The following DENND1A variants were observed in gnomAD, a reference collection of about 807,000 sequenced individuals.
DENND1A encodes the protein DENN domain containing 1A, also known as DENN domain-containing protein 1A.
DENND1A carries 51 observed loss-of-function variants against 113.7 expected under a neutral mutation model. That is an observed-to-expected ratio of 0.45 (90% CI 0.36 to 0.57). DENND1A has a LOEUF of 0.57. Ranked by LOEUF, DENND1A falls within the 20% of genes least tolerant of loss-of-function variation. The pLI is 0.00. For missense variants in DENND1A, 1,258 were observed against 1,395.9 expected, an observed-to-expected ratio of 0.90 and a Z score of 1.57; for synonymous variants, 565 against 570.8, an observed-to-expected ratio of 0.99 and a Z score of 0.14.
intron 8 of DENND1A, among the ~76,000 whole-genome samples, chr9:123,653,681 T>A (rs2062781977): frequency 6.6e-6 from 1 of 151,964 alleles, no homozygotes; most frequent in Non-Finnish European, 1.5e-5. Context: ...CTCTTTTTAT[T>A]CCACACAAAA....
intron 13 of DENND1A, among the ~76,000 whole-genome samples, chr9:123,540,959 T>C (rs1052106161): frequency 2.6e-5 from 4 of 152,230 alleles, no homozygotes; most frequent in African/African-American, 9.6e-5. Flanking sequence ...TCTTTCTTCT[T>C]GGCACCTACC....
intron 7 of DENND1A, among the ~76,000 whole-genome samples, chr9:123,670,978 C>G (rs2063735599): frequency 6.6e-6 from 1 of 152,148 alleles, no homozygotes; most frequent in African/African-American, 2.4e-5. Context: ...CAGGCTGGGA[C>G]AGGGACTGAA....
chr9:123,777,610 A>AG (rs1830652930), intron 3 of DENND1A, among the ~76,000 whole-genome samples: 1 of 152,242 alleles, frequency 6.6e-6, no homozygotes, highest in Non-Finnish European at 1.5e-5. Context: ...TGAAATCATC[A>AG]GTTAACAAGG....
At chr9:123,841,408 A>C (rs919819828) in intron 2 of DENND1A, among the ~76,000 whole-genome samples, 1 of 152,226 alleles carries the variant, frequency 6.6e-6, no homozygotes, top group African/African-American at 2.4e-5. Context: ...AGGCATTTCC[A>C]CATAAATTAC....
chr9:123,452,636 G>A (rs1189071139), intron 16 of DENND1A, among the ~76,000 whole-genome samples: 5 of 152,056 alleles, frequency 3.3e-5, no homozygotes, highest in Non-Finnish European at 5.9e-5. Flanking sequence ...CCTGGCTGGA[G>A]GGAACTGCAT....
intron 2 of DENND1A, among the ~76,000 whole-genome samples, chr9:123,870,003 C>CAAAAA (rs11430845): frequency 1.0e-4 from 8 of 78,574 alleles, no homozygotes; most frequent in African/African-American, 2.0e-4. Context: ...GACCCTGTCT[C>CAAAAA]AAAAAAAAAA....
intron 13 of DENND1A, among the ~76,000 whole-genome samples, chr9:123,502,043 A>G (rs2052532157): frequency 6.6e-6 from 1 of 151,832 alleles, no homozygotes; most frequent in South Asian, 2.1e-4. Flanking sequence ...CAGGCTCCAT[A>G]TCTCTATCTC....
chr9:123,731,431 C>T (rs1486440306), intron 5 of DENND1A, among the ~76,000 whole-genome samples: 6 of 152,024 alleles, frequency 3.9e-5, no homozygotes, highest in Admixed American at 2.6e-4. Flanking sequence ...TTAATTTTTG[C>T]GAAGGCACAA....
chr9:123,688,307 T>C (rs2064948374), intron 5 of DENND1A, among the ~76,000 whole-genome samples: 2 of 152,212 alleles, frequency 1.3e-5, no homozygotes, highest in Admixed American at 1.3e-4. Flanking sequence ...GTAAAGTGTA[T>C]GTTACACAGT....
chr9:123,695,972 T>C (rs536011968), intron 5 of DENND1A, among the ~76,000 whole-genome samples: 6 of 146,262 alleles, frequency 4.1e-5, no homozygotes, highest in East Asian at 2.0e-4. Flanking sequence ...TCTTCCTTTT[T>C]CTGTTAATAC....
At chr9:123,851,042 GA>G (rs996398246) in intron 2 of DENND1A, among the ~76,000 whole-genome samples, 6 of 150,296 alleles carry the variant, frequency 4.0e-5, no homozygotes, top group South Asian at 2.1e-4. Flanking sequence ...ACACAAGAAT[GA>G]AAAAAAAATA....
chr9:123,825,495 T>C (rs1358461778), intron 2 of DENND1A, among the ~76,000 whole-genome samples: 1 of 152,176 alleles, frequency 6.6e-6, no homozygotes, highest in Non-Finnish European at 1.5e-5. Flanking sequence ...GATCCTGAAA[T>C]GTCAATGGTT....
intron 13 of DENND1A, among the ~76,000 whole-genome samples, chr9:123,480,711 G>A (rs2050264247): frequency 6.6e-6 from 1 of 152,148 alleles, no homozygotes; most frequent in Admixed American, 6.5e-5. Flanking sequence ...CCCCCTTGAG[G>A]ATGTGAACTC....
chr9:123,638,001 A>G (rs2061809223), intron 9 of DENND1A, among the ~76,000 whole-genome samples: 1 of 151,984 alleles, frequency 6.6e-6, no homozygotes, highest in Admixed American at 6.6e-5. Flanking sequence ...CAAGGAGTGA[A>G]GGAAAGCGTC....
intron 13 of DENND1A, among the ~76,000 whole-genome samples, chr9:123,556,703 T>C (rs2057435502): frequency 6.6e-6 from 1 of 152,244 alleles, no homozygotes; most frequent in Admixed American, 6.5e-5. Flanking sequence ...AGCCCTGTGC[T>C]CCTGGGAGAA....
chr9:123,715,668 T>TC (rs2066924539), intron 5 of DENND1A, among the ~76,000 whole-genome samples: 1 of 152,132 alleles, frequency 6.6e-6, no homozygotes, highest in African/African-American at 2.4e-5. Flanking sequence ...GCACTGGATC[T>TC]GTTTTTTATT....
At chr9:123,508,303 G>A (rs1304703264) in intron 13 of DENND1A, among the ~76,000 whole-genome samples, 2 of 152,202 alleles carry the variant, frequency 1.3e-5, no homozygotes, top group Admixed American at 1.3e-4. Flanking sequence ...CTGTGTCTTT[G>A]CCATTTGCAT....
At chr9:123,839,977 G>T (rs539480918) in intron 2 of DENND1A, among the ~76,000 whole-genome samples, 1 of 151,920 alleles carries the variant, frequency 6.6e-6, no homozygotes, top group African/African-American at 2.4e-5. Flanking sequence ...TATTATAAAT[G>T]TTCTTTAATG....
At chr9:123,774,811 GAT>G (rs1830234966) in intron 3 of DENND1A, among the ~76,000 whole-genome samples, 1 of 151,966 alleles carries the variant, frequency 6.6e-6, no homozygotes, top group Non-Finnish European at 1.5e-5. Context: ...GTAATTCAAA[GAT>G]AAATATAATA....
Sources: allele counts gnomAD v4.1 joint callset (sites outside exome capture counted in the v4.1 genomes callset), GRCh38; gene constraint gnomAD v4.1.1; transcripts MANE v1.5; gene names NCBI Gene and HGNC (gene_info 2026-07-23, HGNC 2026-07-21).